The following ALCAM variants were observed in gnomAD, a reference collection of about 807,000 sequenced individuals.
The protein encoded by ALCAM is activated leukocyte cell adhesion molecule.
A neutral mutation model predicts 70.9 loss-of-function variants in ALCAM; 30 were observed. The ratio of observed to expected loss-of-function variants is 0.42; its 90% confidence interval spans 0.32 to 0.57. ALCAM has a LOEUF of 0.57. ALCAM is among the 20% of genes least tolerant of loss of function. The probability of loss-of-function intolerance (pLI) is 0.11; values close to 1 mark genes in which losing one functional copy is unlikely to be tolerated. For missense variants in ALCAM, 591 were observed against 695.1 expected (o/e 0.85, Z 1.68); for synonymous variants, 249 against 242.5 (o/e 1.03, Z -0.25).
intron 1 of ALCAM, among the ~76,000 whole-genome samples, chr3:105,494,892 C>G (rs1221195356): frequency 6.6e-6 from 1 of 152,110 alleles, no homozygotes; most frequent in Non-Finnish European, 1.5e-5. Context: ...AATTCCTGGC[C>G]TCAAGTGATC....
intron 1 of ALCAM, among the ~76,000 whole-genome samples, chr3:105,396,318 G>C (rs2107362344): frequency 6.6e-6 from 1 of 152,022 alleles, no homozygotes; most frequent in Admixed American, 6.6e-5. Flanking sequence ...TTAGGAGCTA[G>C]GAGGTATGAT....
intron 1 of ALCAM, among the ~76,000 whole-genome samples, chr3:105,422,945 C>T (rs1400627572): frequency 2.6e-5 from 4 of 151,426 alleles, no homozygotes; most frequent in Non-Finnish European, 5.9e-5. Flanking sequence ...CTTGAAAATA[C>T]AGTAGCTATC....
intron 1 of ALCAM, among the ~76,000 whole-genome samples, chr3:105,424,353 A>G (rs528105775): frequency 6.6e-6 from 1 of 151,812 alleles, no homozygotes; most frequent in African/African-American, 2.4e-5. Context: ...CGTCTAAGAA[A>G]TTCCAGAATT....
chr3:105,573,333 T>A (rs1940895888), intron 15 of ALCAM, among the ~76,000 whole-genome samples: 1 of 152,094 alleles, frequency 6.6e-6, no homozygotes, highest in South Asian at 2.1e-4. Context: ...TCTCAAAATA[T>A]AAAAATAAAA....
chr3:105,544,659 AC>A, intron 8 of ALCAM: 1 of 157,990 alleles, frequency 6.3e-6, no homozygotes, highest in South Asian at 1.9e-4. Context: ...ATTTTCTCAT[AC>A]AGATCAGACT....
At position 105,519,908 on chromosome 3, in the gene ALCAM, T is replaced by C. The variant is rs550694819; in HGVS notation, c.74-159T>C. 4.6e-5 allele frequency among the ~76,000 whole-genome samples: 7 copies of C among 152,302 alleles called. No individual in the cohort carries two copies. In the South Asian group the frequency reaches 1.2e-3, roughly 27 times the overall value. On this transcript the variant is annotated intron_variant, in intron 1 of 15. Transcript: ENST00000306107. ...GGTAATTTTTAAATGGAAAATATAT[T>C]CTAGTCTCATACCTTTTGTATACCA...
chr3:105,472,718 G>A (rs1937969940), intron 1 of ALCAM, among the ~76,000 whole-genome samples: 1 of 151,346 alleles, frequency 6.6e-6, no homozygotes, highest in African/African-American at 2.4e-5. Context: ...TCAAAACACT[G>A]AGTAATTTAC....
chr3:105,518,853 T>C (rs1302357137), intron 1 of ALCAM, among the ~76,000 whole-genome samples: 1 of 152,116 alleles, frequency 6.6e-6, no homozygotes, highest in African/African-American at 2.4e-5. Flanking sequence ...TTCTTTGTTA[T>C]GTTTCTGTTC....
chr3:105,477,996 C>CA (rs1417887881), intron 1 of ALCAM, among the ~76,000 whole-genome samples: 4 of 151,996 alleles, frequency 2.6e-5, no homozygotes, highest in Non-Finnish European at 4.4e-5. Context: ...ATGAGACTAG[C>CA]ATGGTAAATA....
At chr3:105,373,474 A>G (rs891450830) in intron 1 of ALCAM, among the ~76,000 whole-genome samples, 8 of 152,162 alleles carry the variant, frequency 5.3e-5, no homozygotes, top group African/African-American at 1.9e-4. Flanking sequence ...TATCCTCTCC[A>G]TCTGTATAGT....
In ALCAM at chr3:105,503,847, C is replaced by T. The variant is rs564069657; in HGVS notation, c.74-16220C>T. 1.4e-4 allele frequency among the ~76,000 whole-genome samples: 21 copies of T among 152,276 alleles called. No individual in the cohort carries two copies. In the South Asian group the frequency reaches 4.4e-3, roughly 32 times the overall value. ...CCAGCCTTTCTCTTGCAAGGAGTTT[C>T]CTTCATCCTTCTTTCCACTTGAAGA... is the stretch of plus-strand genomic sequence containing the variant. On this transcript the variant is annotated intron_variant, in intron 1 of 15. Coordinates refer to ENST00000306107, the MANE Select transcript of ALCAM (RefSeq NM_001627.4).
intron 14 of ALCAM, among the ~76,000 whole-genome samples, chr3:105,559,543 G>A (rs1940589854): frequency 6.6e-6 from 1 of 151,862 alleles, no homozygotes; most frequent in Admixed American, 6.6e-5. Context: ...TCCCTTTTAG[G>A]AGGGCACTAA....
chr3:105,446,884 T>C (rs543638441), intron 1 of ALCAM, among the ~76,000 whole-genome samples: 1 of 152,230 alleles, frequency 6.6e-6, no homozygotes, highest in South Asian at 2.1e-4. Context: ...GGGGAGAAAC[T>C]GAGTCAGCAG....
At position 105,538,427 on chromosome 3, in the gene ALCAM, C is replaced by G. The variant is rs536791451; in HGVS notation, c.731-1548C>G. Among the ~76,000 whole-genome samples the G allele has an allele frequency of 5.9e-5, 9 of 152,276 alleles. 1 individual carries two copies. In the South Asian group the frequency reaches 1.9e-3, roughly 32 times the overall value. ...CAAACGCAGAGCAAGGGATCCTTAA[C>G]TTTGAGGTAAACACGTTAGTGGACA... On this transcript the variant is annotated intron_variant, in intron 6 of 15. Coordinates refer to ENST00000306107, the MANE Select transcript of ALCAM (RefSeq NM_001627.4).
intron 1 of ALCAM, among the ~76,000 whole-genome samples, chr3:105,497,628 G>A (rs111235672): frequency 0.017 from 2,593 of 152,232 alleles, 38 homozygotes; most frequent in African/African-American, 0.036. Flanking sequence ...TGCTGTCATG[G>A]TAAGTGCATT....
intron 1 of ALCAM, among the ~76,000 whole-genome samples, chr3:105,482,179 C>G (rs778010293): frequency 6.6e-6 from 1 of 152,150 alleles, no homozygotes; most frequent in Non-Finnish European, 1.5e-5. Flanking sequence ...GTGGCACGAT[C>G]TTTGGTCACT....
intron 8 of ALCAM, 146 bp from the exon 9 acceptor site, chr3:105,545,076 GT>G: frequency 1.6e-6 from 1 of 638,036 alleles, no homozygotes; most frequent in Non-Finnish European, 2.9e-6. Flanking sequence ...TCATGCTATA[GT>G]CCAATTATTT....
intron 1 of ALCAM, among the ~76,000 whole-genome samples, chr3:105,452,698 A>G (rs951848282): frequency 6.6e-6 from 1 of 152,208 alleles, no homozygotes; most frequent in Non-Finnish European, 1.5e-5. Context: ...CCAACAGTAT[A>G]AAAGCATTCC....
intron 6 of ALCAM, 99 bp downstream of exon 6, chr3:105,534,944 C>A: frequency 8.3e-7 from 1 of 1,203,276 alleles, no homozygotes; most frequent in Non-Finnish European, 1.1e-6. Context: ...TCTTTGAATT[C>A]TGCTTCCAGT....
Sources: allele counts gnomAD v4.1 joint callset (sites outside exome capture counted in the v4.1 genomes callset), GRCh38; gene constraint gnomAD v4.1.1; transcripts MANE v1.5; gene names NCBI Gene and HGNC (gene_info 2026-07-23, HGNC 2026-07-21).